The following KLF8 variants were observed in gnomAD, a reference collection of about 807,000 sequenced individuals.
KLF8 encodes KLF transcription factor 8.
A neutral mutation model predicts 18.2 loss-of-function variants in KLF8; 10 were observed. The ratio of observed to expected loss-of-function variants is 0.55; its 90% CI spans 0.34 to 0.93. The LOEUF (loss-of-function observed/expected upper bound fraction) is 0.93, where lower values mean the gene tolerates loss of function less well. Among genes scored for constraint, KLF8 ranks in the 40% least tolerant of loss-of-function variants. KLF8 has a pLI of 0.02. For missense variants in KLF8, 264 were observed against 277.9 expected (o/e 0.95, Z 0.36); for synonymous variants, 109 against 97.3 (o/e 1.12, Z -0.71).
chrX:56,233,295 G>C lies in KLF8; in HGVS notation c.-40G>C. ...AGGAGTATGAGCCTCCCGGAGGACG[G>C]CATGAGTTCTGGACACTTCAGGAGT... On this transcript the variant is annotated 5_prime_UTR_variant, in exon 1 of 6. Transcript: ENST00000468660. 1 of 1,207,008 alleles carries C rather than the reference G, an allele frequency of 8.3e-7. No individual in the cohort carries two copies. Among genetic ancestry groups the C allele is most frequent in the Non-Finnish European group, 1.1e-6 (1 of 891,699 alleles).
At chrX:56,134,181 G>C in the KLF8 span, among the ~76,000 whole-genome samples, 2 of 110,138 alleles carry the variant, frequency 1.8e-5, no homozygotes, top group African/African-American at 6.6e-5. Context: ...AATTCATATG[G>C]AACCAAAAAA....
At chrX:56,150,410 G>C in the KLF8 span, among the ~76,000 whole-genome samples, 2 of 112,059 alleles carry the variant, frequency 1.8e-5, no homozygotes, top group African/African-American at 3.2e-5. Context: ...GAACTTAAAT[G>C]CTGCTTTGAT....
At chrX:56,051,089 A>G in the KLF8 span, among the ~76,000 whole-genome samples, 2 of 109,721 alleles carry the variant, frequency 1.8e-5, no homozygotes, top group Non-Finnish European at 3.8e-5. Context: ...TAGGATTGCA[A>G]CCCCTGCCTT....
At chrX:55,983,159 A>T in the KLF8 span, among the ~76,000 whole-genome samples, 156 of 111,470 alleles carry the variant, frequency 1.4e-3, 2 homozygotes, top group African/African-American at 4.4e-3. Context: ...CAAATTCCTT[A>T]ATATTGAATT....
the KLF8 span, among the ~76,000 whole-genome samples, chrX:56,204,566 A>T: frequency 2.1e-4 from 23 of 111,018 alleles, no homozygotes; most frequent in Non-Finnish European, 3.8e-5. Flanking sequence ...TCTGTCATAT[A>T]TGGCTTTTAT....
the KLF8 span, among the ~76,000 whole-genome samples, chrX:56,168,949 T>C: frequency 1.8e-5 from 2 of 111,440 alleles, no homozygotes; most frequent in African/African-American, 6.5e-5. Context: ...GACAACATAT[T>C]TCCTGATTTC....
chrX:55,949,312 TTGG>T, the KLF8 span, among the ~76,000 whole-genome samples: 7 of 105,525 alleles, frequency 6.6e-5, no homozygotes, highest in African/African-American at 1.7e-4. Context: ...TTGCCTCAAG[TTGG>T]TGGGCAGTTT....
chrX:55,939,986 A>C, the KLF8 span, among the ~76,000 whole-genome samples: 1 of 112,045 alleles, frequency 8.9e-6, no homozygotes, highest in East Asian at 2.8e-4. Flanking sequence ...AAACTATTCC[A>C]ATCAATAGAA....
At chrX:56,172,681 A>G in the KLF8 span, among the ~76,000 whole-genome samples, 1 of 112,012 alleles carries the variant, frequency 8.9e-6, no homozygotes, top group Non-Finnish European at 1.9e-5. Context: ...GAATCGCCAC[A>G]CTGACTTCCA....
chrX:55,972,541 T>C, the KLF8 span, among the ~76,000 whole-genome samples: 1 of 111,464 alleles, frequency 9.0e-6, no homozygotes, highest in Non-Finnish European at 1.9e-5. Flanking sequence ...ATAACTGGAT[T>C]CTTTGTAACA....
the KLF8 span, chrX:55,961,765 T>C: frequency 9.1e-6 from 3 of 329,007 alleles, no homozygotes; most frequent in East Asian, 2.2e-4. Context: ...GGTGTTTGAC[T>C]TCACAGGTCG....
At chrX:56,010,554 C>T in the KLF8 span, among the ~76,000 whole-genome samples, 1 of 111,734 alleles carries the variant, frequency 8.9e-6, no homozygotes, top group Non-Finnish European at 1.9e-5. Flanking sequence ...ACTACATCAA[C>T]AAGTCTGCAA....
the KLF8 span, among the ~76,000 whole-genome samples, chrX:55,965,550 G>A: frequency 9.0e-6 from 1 of 111,541 alleles, no homozygotes; most frequent in Non-Finnish European, 1.9e-5. Flanking sequence ...TCAGGCAAGG[G>A]AAAGAAATAA....
chrX:56,046,178 G>C, the KLF8 span, among the ~76,000 whole-genome samples: 1 of 111,606 alleles, frequency 9.0e-6, no homozygotes, highest in Non-Finnish European at 1.9e-5. Context: ...AACCATCCTT[G>C]AATCCCAGGT....
chrX:56,059,497 C>CA, the KLF8 span, among the ~76,000 whole-genome samples: 3 of 111,884 alleles, frequency 2.7e-5, no homozygotes, highest in African/African-American at 9.7e-5. Flanking sequence ...GTCTTACATT[C>CA]AAATCTTCAA....
chrX:56,070,540 T>A, the KLF8 span, among the ~76,000 whole-genome samples: 1 of 111,497 alleles, frequency 9.0e-6, no homozygotes, highest in Non-Finnish European at 1.9e-5. Context: ...GAAGCCATCA[T>A]CCTCAGCAAA....
chrX:56,284,286 CT>C (rs745509041), intron 5 of KLF8, 26 bp from the exon 6 acceptor site: 33 of 1,061,513 alleles, frequency 3.1e-5, no homozygotes, highest in Admixed American at 2.4e-4. Flanking sequence ...CTCTGATTCT[CT>C]TTTTTTTGTC....
the KLF8 span, among the ~76,000 whole-genome samples, chrX:55,980,109 T>G: frequency 8.9e-6 from 1 of 111,976 alleles, no homozygotes; most frequent in Non-Finnish European, 1.9e-5. Context: ...TTGAATGGGC[T>G]GATGGATCGA....
At chrX:56,126,785 C>T in the KLF8 span, among the ~76,000 whole-genome samples, 59 of 98,022 alleles carry the variant, frequency 6.0e-4, no homozygotes, top group South Asian at 1.5e-3. Flanking sequence ...CGAAGTCTCG[C>T]TCTTGTACCC....
Sources: allele counts gnomAD v4.1 joint callset (sites outside exome capture counted in the v4.1 genomes callset), GRCh38; gene constraint gnomAD v4.1.1; transcripts MANE v1.5; gene names NCBI Gene and HGNC (gene_info 2026-07-23, HGNC 2026-07-21).